PPA2: variants seen among roughly 807,000 people sequenced by gnomAD.
The protein encoded by PPA2 is inorganic pyrophosphatase 2.
In PPA2, 48 loss-of-function variants were observed where a neutral mutation model predicts 49.5. The ratio of observed to expected loss-of-function variants is 0.97; its 90% confidence interval spans 0.77 to 1.23. The LOEUF (loss-of-function observed/expected upper bound fraction) is 1.23, where lower values mean the gene tolerates loss of function less well. PPA2 is among the 50% of genes most tolerant of loss of function. The pLI, the probability that PPA2 is intolerant of heterozygous loss-of-function variation, is 0.00. For missense variants in PPA2, 429 were observed against 410.1 expected (o/e 1.05, Z -0.40); for synonymous variants, 131 against 139.9 (o/e 0.94, Z 0.45).
chr4:105,428,670 G>C (rs193286296), intron 6 of PPA2, among the ~76,000 whole-genome samples: 45 of 152,068 alleles, frequency 3.0e-4, no homozygotes, highest in African/African-American at 1.1e-3. Context: ...AGGCCTGTTG[G>C]GGGTGGGGGG....
chr4:105,439,637 A>AATT (rs66474849), intron 5 of PPA2, among the ~76,000 whole-genome samples: 1 of 152,030 alleles, frequency 6.6e-6, no homozygotes, highest in African/African-American at 2.4e-5. Flanking sequence ...AGGTAATAAG[A>AATT]ATTATTATTA....
At chr4:105,470,928 G>T (rs1723498051) in intron 1 of PPA2, among the ~76,000 whole-genome samples, 1 of 152,208 alleles carries the variant, frequency 6.6e-6, no homozygotes, top group African/African-American at 2.4e-5. Context: ...CAGCACAGTT[G>T]CTTCTGGAAG....
chr4:105,466,437 A>G (rs939972261), intron 1 of PPA2, among the ~76,000 whole-genome samples: 2 of 152,110 alleles, frequency 1.3e-5, no homozygotes, highest in African/African-American at 4.8e-5. Flanking sequence ...TAAGCACTAT[A>G]AAGATAAAGG....
intron 9 of PPA2, among the ~76,000 whole-genome samples, chr4:105,387,195 C>T (rs915559738): frequency 6.6e-6 from 1 of 152,094 alleles, no homozygotes; most frequent in African/African-American, 2.4e-5. Context: ...AAAAGCCTTT[C>T]CTATACCTCT....
chr4:105,430,378 T>C (rs1258216090), intron 6 of PPA2, among the ~76,000 whole-genome samples: 1 of 152,220 alleles, frequency 6.6e-6, no homozygotes, highest in Non-Finnish European at 1.5e-5. Flanking sequence ...CACAATTATA[T>C]TAGACACTCA....
rs748465483 is a variant in PPA2 at position 105,399,008 on chromosome 4, C to T, written c.783+29G>A. Reference sequence around the variant, plus strand: ...AATATTGTACAGGTATCAGGAGGTACATTTTAAAATAAAGATTCTCATCTT... The same window carrying T: ...AATATTGTACAGGTATCAGGAGGTATATTTTAAAATAAAGATTCTCATCTT... On this transcript the variant is annotated intron_variant, in intron 8 of 11. Transcript: ENST00000341695. The T allele has an allele frequency of 1.2e-5, 19 of 1,597,490 alleles. No homozygotes were observed. In the East Asian group the frequency reaches 1.3e-4, roughly 11 times the overall value.
intron 10 of PPA2, among the ~76,000 whole-genome samples, chr4:105,378,678 G>A (rs1187589478): frequency 6.6e-6 from 1 of 151,984 alleles, no homozygotes; most frequent in Non-Finnish European, 1.5e-5. Context: ...GTCAAAATAG[G>A]TTTAAGTTTT....
intron 4 of PPA2, chr4:105,447,934 T>C (rs1056656087): frequency 4.7e-6 from 1 of 213,536 alleles, no homozygotes; most frequent in South Asian, 5.6e-5. Flanking sequence ...TTAGTAGAGA[T>C]GGGGTTTTGC....
chr4:105,412,736 T>C (rs546379208), intron 7 of PPA2, among the ~76,000 whole-genome samples: 189 of 152,324 alleles, frequency 1.2e-3, no homozygotes, highest in African/African-American at 4.5e-3. Context: ...GAAAACATGC[T>C]CATCATTACT....
At chr4:105,388,909 T>C (rs1006540296) in intron 9 of PPA2, among the ~76,000 whole-genome samples, 5 of 151,992 alleles carry the variant, frequency 3.3e-5, no homozygotes, top group African/African-American at 9.7e-5. Flanking sequence ...CTTAGGAGAT[T>C]CTTGTAAGAT....
At chr4:105,447,082 T>C (rs981747444) in intron 4 of PPA2, among the ~76,000 whole-genome samples, 4 of 152,168 alleles carry the variant, frequency 2.6e-5, no homozygotes, top group African/African-American at 9.7e-5. Context: ...TGATCTTATA[T>C]ATAGACAACT....
intron 5 of PPA2, among the ~76,000 whole-genome samples, chr4:105,438,749 T>C (rs1263242525): frequency 6.6e-6 from 1 of 152,156 alleles, no homozygotes; most frequent in Non-Finnish European, 1.5e-5. Context: ...AGCCTCAGAA[T>C]TGCCTGATTC....
intron 6 of PPA2, among the ~76,000 whole-genome samples, chr4:105,426,155 T>TTA (rs1250281589): frequency 6.6e-6 from 1 of 152,174 alleles, no homozygotes; most frequent in African/African-American, 2.4e-5. Context: ...AATATATGTT[T>TTA]TATATATATA....
intron 2 of PPA2, 177 bp downstream of exon 2, chr4:105,456,504 A>G: frequency 3.6e-6 from 2 of 559,190 alleles, no homozygotes; most frequent in Non-Finnish European, 6.5e-6. Context: ...TCATGGAAGA[A>G]TCCTATTCTC....
At chr4:105,460,931 T>C (rs936815645) in intron 1 of PPA2, among the ~76,000 whole-genome samples, 13 of 151,342 alleles carry the variant, frequency 8.6e-5, no homozygotes, top group Non-Finnish European at 1.6e-4. Flanking sequence ...CTGTATTTAC[T>C]AACTTACATA....
intron 3 of PPA2, among the ~76,000 whole-genome samples, chr4:105,453,240 C>T (rs996766425): frequency 6.6e-6 from 1 of 151,954 alleles, no homozygotes; most frequent in Non-Finnish European, 1.5e-5. Flanking sequence ...CCCAGGGCCT[C>T]GGGGGAGGGA....
chr4:105,440,293 C>T (rs1325583906), intron 5 of PPA2, among the ~76,000 whole-genome samples: 2 of 151,652 alleles, frequency 1.3e-5, no homozygotes, highest in Admixed American at 6.6e-5. Flanking sequence ...ACAGAGTCTC[C>T]CTCTGTCTAC....
intron 9 of PPA2, among the ~76,000 whole-genome samples, chr4:105,390,984 A>G (rs1230540287): frequency 6.6e-6 from 1 of 152,040 alleles, no homozygotes; most frequent in Non-Finnish European, 1.5e-5. Flanking sequence ...GTACATATAC[A>G]TCATAGGATA....
intron 1 of PPA2, among the ~76,000 whole-genome samples, chr4:105,464,506 G>C (rs2110328843): frequency 6.6e-6 from 1 of 152,284 alleles, no homozygotes; most frequent in South Asian, 2.1e-4. Context: ...AGGCATGTTG[G>C]TTTTGAAATG....
Sources: allele counts gnomAD v4.1 joint callset (sites outside exome capture counted in the v4.1 genomes callset), GRCh38; gene constraint gnomAD v4.1.1; transcripts MANE v1.5; gene names NCBI Gene and HGNC (gene_info 2026-07-23, HGNC 2026-07-21).